TOR1A: variants seen among roughly 807,000 people sequenced by gnomAD.
The protein encoded by TOR1A is torsin-1A.
Under a neutral mutation model 31.4 loss-of-function variants are expected in TOR1A, and 18 were observed. The observed-to-expected ratio is 0.57, with a 90% CI of 0.40 to 0.85. The LOEUF (loss-of-function observed/expected upper bound fraction) is 0.85. TOR1A is among the 40% of genes least tolerant of loss of function. The probability of loss-of-function intolerance (pLI) is 0.00; values close to 1 mark genes in which losing one functional copy is unlikely to be tolerated. For missense variants in TOR1A, 375 were observed against 416.4 expected, an observed-to-expected ratio of 0.90 and a Z score of 0.87; for synonymous variants, 168 against 165.9, an observed-to-expected ratio of 1.01 and a Z score of -0.10.
rs765888841 is a variant in TOR1A, at chr9:129,823,930, C to T, written c.156G>A (p.Gln52=). The T allele has an allele frequency of 7.0e-6, 11 of 1,577,634 alleles. No homozygotes were observed. In the Admixed American group the frequency reaches 1.2e-4, roughly 17 times the overall value. The change falls in exon 1 of 5, where the codon CAG becomes CAA. Residue 52 remains glutamine (Q), a synonymous_variant. Coordinates refer to ENST00000351698, the MANE Select transcript of TOR1A (RefSeq NM_000113.3). ...TACCCTCCCGGCTAAGGCTCCGCTT[C>T]TGCCCGCAGCACTCGGCGAAGAGGC... ...LYCLFAECCG[Q]KRSLSREALQ... is the part of the protein sequence containing the mutation.
In TOR1A at chr9:129,823,861, CCCAGCCCCAGCCCCAGCCCCAGCCT is replaced by C. The variant is rs745650234; in HGVS notation, c.178+22_178+46del. The C allele has an allele frequency of 5.6e-4, 854 of 1,532,848 alleles. 7 individuals are homozygous for C. The highest frequency in any genetic ancestry group is 4.8e-5 in the Non-Finnish European group (55 of 1,137,000). The allele number at this position is 1,532,848 out of a possible 1,614,324, so 95.0% of individuals were successfully genotyped here. ...TCCTAGTTCAGCCCTAGTGCCATCG[CCCAGCCCCAGCCCCAGCCCCAGCCT>C]CCAGCCCCCGCCCCAGCCTACCCTC... On this transcript the variant is annotated intron_variant, in intron 1 of 4. Transcript: ENST00000351698.
chr9:129,815,318 G>A (rs2031008535), intron 4 of TOR1A, among the ~76,000 whole-genome samples: 1 of 152,266 alleles, frequency 6.6e-6, no homozygotes, highest in Admixed American at 6.5e-5. Flanking sequence ...GAATGGGAAC[G>A]AGGGGCTGTC....
chr9:129,816,004 C>T (rs547117653), intron 4 of TOR1A, among the ~76,000 whole-genome samples: 3 of 152,174 alleles, frequency 2.0e-5, no homozygotes, highest in South Asian at 2.1e-4. Flanking sequence ...ACCACCTGCC[C>T]AGGACCCTCC....
intron 4 of TOR1A, among the ~76,000 whole-genome samples, chr9:129,815,753 C>G (rs1313401768): frequency 6.6e-6 from 1 of 152,218 alleles, no homozygotes; most frequent in Non-Finnish European, 1.5e-5. Flanking sequence ...CCTGCTGTCC[C>G]TTCCCTTCAA....
intron 2 of TOR1A, among the ~76,000 whole-genome samples, chr9:129,820,004 A>C (rs2031144653): frequency 6.6e-6 from 1 of 151,888 alleles, no homozygotes; most frequent in African/African-American, 2.4e-5. Context: ...ACAAGGATTC[A>C]CTCAGACCTG....
chr9:129,813,961 A>C lies in TOR1A; in HGVS notation c.*11T>G, dbSNP rs368307911. On this transcript the variant is annotated 3_prime_UTR_variant, in exon 5 of 5. Transcript: ENST00000351698. ...ACTCCAGGCAGTGACTCCGGCTGCC[A>C]ATCATGACTGTCAATCATCGTAGTA... is the stretch of plus-strand genomic sequence containing the variant. 14 of 1,613,766 alleles carry C rather than the reference A, an allele frequency of 8.7e-6. No homozygotes were observed. Among genetic ancestry groups the C allele is most frequent in the African/African-American group, 1.3e-5 (1 of 74,932 alleles).
intron 1 of TOR1A, 70 bp from the exon 2 acceptor site, chr9:129,822,916 T>C: frequency 6.2e-7 from 1 of 1,610,708 alleles, no homozygotes; most frequent in Non-Finnish European, 8.5e-7. Flanking sequence ...TTACAGCCCA[T>C]AAGAAAGCCA....
Position 129,813,924 on chromosome 9 carries a change from G to A in TOR1A, c.*48C>T, listed in dbSNP as rs770561102. On this transcript the variant is annotated 3_prime_UTR_variant, in exon 5 of 5. Coordinates refer to ENST00000351698, the MANE Select transcript of TOR1A (RefSeq NM_000113.3). ...TGGAAGTGTGGAAGGACTGAGTGTT[G>A]TTTCTTTTCCAACTCCAGGCAGTGA... is the stretch of plus-strand genomic sequence containing the variant. The A allele has an allele frequency of 1.6e-5, 26 of 1,609,546 alleles. No individual in the cohort carries two copies. Among genetic ancestry groups the A allele is most frequent in the Non-Finnish European group, 2.0e-5 (23 of 1,179,472 alleles).
chr9:129,819,134 C>T (rs545795811), intron 2 of TOR1A, among the ~76,000 whole-genome samples: 11 of 152,238 alleles, frequency 7.2e-5, no homozygotes, highest in Admixed American at 3.3e-4. Context: ...GCACAGAGAG[C>T]GCTTACTCCA....
At chr9:129,822,525 A>G (rs750972826) in intron 2 of TOR1A, 56 bp downstream of exon 2, 2 of 1,610,254 alleles carry the variant, frequency 1.2e-6, no homozygotes, top group African/African-American at 2.7e-5. Flanking sequence ...ATCCCACAAC[A>G]AAGAGACCCC....
Position 129,818,514 on chromosome 9 carries a change from A to C in TOR1A, c.748+6T>G, listed in dbSNP as rs1183844728. ...GATGGGACTGGCGGTGGATGGCCCT[A>C]CTCACTGTTCTTGTTATTGAAAACC... is the stretch of plus-strand genomic sequence containing the variant. On this transcript the variant is annotated splice_donor_region_variant and intron_variant, in intron 4 of 4. Coordinates refer to ENST00000351698, the MANE Select transcript of TOR1A (RefSeq NM_000113.3). The C allele has an allele frequency of 6.2e-7, 1 of 1,613,776 alleles. No homozygotes were observed. The highest frequency in any genetic ancestry group is 8.5e-7 in the Non-Finnish European group (1 of 1,179,994).
intron 1 of TOR1A, 134 bp from the exon 2 acceptor site, chr9:129,822,980 T>C (rs1038207546): frequency 5.4e-5 from 69 of 1,285,674 alleles, no homozygotes; most frequent in Admixed American, 2.7e-4. Context: ...AGTACTGCGG[T>C]CTGTAAGCTC....
In TOR1A at chr9:129,823,925, C is replaced by A. The variant is rs947320138; in HGVS notation, c.161G>T (p.Arg54Leu). 3 of 1,604,246 alleles carry A rather than the reference C, an allele frequency of 1.9e-6. No individual in the cohort carries two copies. The highest frequency in any genetic ancestry group is 2.3e-5 in the East Asian group (1 of 44,386). ...CLFAECCGQK[R>L]SLSREALQKD... is the part of the protein sequence containing the mutation. ...CAGCCTACCCTCCCGGCTAAGGCTC[C>A]GCTTCTGCCCGCAGCACTCGGCGAA... The change falls in exon 1 of 5, where the codon CGG becomes CTG. Residue 54 changes from arginine to leucine, a missense_variant. Coordinates refer to ENST00000351698, the MANE Select transcript of TOR1A (RefSeq NM_000113.3).
chr9:129,823,935 C>T lies in TOR1A; in HGVS notation c.151G>A (p.Gly51Arg). 1.2e-6 allele frequency: 2 copies of T among 1,609,178 alleles called. No homozygotes were observed. The highest frequency in any genetic ancestry group is 1.7e-6 in the Non-Finnish European group (2 of 1,178,748). Residue 51 changes from glycine (G) to arginine (R), a missense_variant, in exon 1 of 5, where the codon GGG becomes AGG. Coordinates refer to ENST00000351698, the MANE Select transcript of TOR1A (RefSeq NM_000113.3). ...RLYCLFAECC[G>R]QKRSLSREAL... ...TCCCGGCTAAGGCTCCGCTTCTGCC[C>T]GCAGCACTCGGCGAAGAGGCAGTAG...
intron 2 of TOR1A, among the ~76,000 whole-genome samples, 178 bp from the exon 3 acceptor site, chr9:129,819,098 C>G (rs1420335155): frequency 6.6e-6 from 1 of 152,146 alleles, no homozygotes; most frequent in Non-Finnish European, 1.5e-5. Flanking sequence ...CACTATCGTT[C>G]TCATTTTACA....
intron 2 of TOR1A, among the ~76,000 whole-genome samples, chr9:129,820,845 G>A (rs548442021): frequency 1.4e-4 from 21 of 152,250 alleles, no homozygotes; most frequent in African/African-American, 4.6e-4. Flanking sequence ...GGGATCAGCC[G>A]GTTTTGGCTT....
Position 129,813,575 on chromosome 9 carries a change from C to A in TOR1A, c.*397G>T. On this transcript the variant is annotated 3_prime_UTR_variant, in exon 5 of 5. Transcript: ENST00000351698. The stretch of plus-strand genomic sequence containing the variant: ...AAAAAAAACACACACACAAGGCCAA[C>A]AACTTAGAATCTGAGCAGTCTCTCA... 6.6e-6 allele frequency: 2 copies of A among 303,548 alleles called. No individual in the cohort carries two copies. Among genetic ancestry groups the A allele is most frequent in the East Asian group, 9.0e-5 (1 of 11,112 alleles). 18.8% of individuals were successfully genotyped at this position (303,548 alleles called of 1,614,324 possible).
In TOR1A at chr9:129,823,460, AC is replaced by A. The variant is rs1415850435; in HGVS notation, c.178+447del. 2.7e-5 allele frequency: 7 copies of A among 258,376 alleles called. No homozygotes were observed. The Admixed American group carries it at 3.6e-4, about 13-fold the overall frequency. 16.0% of individuals were successfully genotyped at this position (258,376 alleles called of 1,614,324 possible). On this transcript the variant is annotated intron_variant, in intron 1 of 4. Transcript: ENST00000351698. ...CCAGGCCCGGCCCTCCTGGGATGTG[AC>A]CCCTACCCCGGCCTGGCCCTAGTGC... is the stretch of plus-strand genomic sequence containing the variant.
At chr9:129,823,791 C>T in intron 1 of TOR1A, 117 bp downstream of exon 1, 1 of 1,312,522 alleles carries the variant, frequency 7.6e-7, no homozygotes, top group Non-Finnish European at 1.0e-6. Flanking sequence ...TAGCCCGGCC[C>T]TGGTGCCATC....
Sources: gnomAD v4.1 joint callset for allele counts (sites outside exome capture counted in the v4.1 genomes callset) on GRCh38, gnomAD v4.1.1 for gene constraint, MANE v1.5 for transcripts, NCBI Gene and HGNC (gene_info 2026-07-23, HGNC 2026-07-21) for gene names.